H2BC18: variants seen among roughly 807,000 people sequenced by gnomAD.
H2BC18 encodes the protein histone H2B type 2-F.
H2BC18 carries 8 observed loss-of-function variants against 6.3 expected under a neutral mutation model. The observed-to-expected ratio is 1.28, with a 90% CI of 0.75 to 2.31. The LOEUF is 2.31. Among genes scored for constraint, H2BC18 ranks in the 30% most tolerant of loss-of-function variants. The pLI, the probability that H2BC18 is intolerant of heterozygous loss-of-function variation, is 0.00. For synonymous variants in H2BC18, 104 were observed against 78.1 expected (o/e 1.33, Z -1.75); for missense variants, 106 against 174.5 (o/e 0.61, Z 2.21).
intron 1 of H2BC18, chr1:149,805,272 C>T (rs1207570164): frequency 1.1e-4 from 17 of 151,238 alleles, no homozygotes; most frequent in African/African-American, 3.2e-4. Flanking sequence ...GAGCTAAGTT[C>T]GTGGACCACT....
intron 1 of H2BC18, among the ~76,000 whole-genome samples, chr1:149,804,741 G>T: frequency 6.6e-6 from 1 of 152,170 alleles, no homozygotes; most frequent in Admixed American, 6.5e-5. Flanking sequence ...CACTTTACAG[G>T]GGAATAACTT....
chr1:149,790,950 T>C (rs1201813444), intron 1 of H2BC18, among the ~76,000 whole-genome samples: 15 of 151,900 alleles, frequency 9.9e-5, no homozygotes, highest in African/African-American at 3.6e-4. Flanking sequence ...CAACCCAAAT[T>C]CATTTCAAGT....
intron 1 of H2BC18, chr1:149,785,570 C>A (rs2091526075): frequency 6.6e-6 from 1 of 151,704 alleles, no homozygotes; most frequent in African/African-American, 2.4e-5. Context: ...CAAGTGACAA[C>A]AAAAGGACTA....
rs587761873 is a variant in H2BC18, at chr1:149,790,138, A to T, written c.378-6878T>A. 1.3e-5 allele frequency: 21 copies of T among 1,613,914 alleles called. No homozygotes were observed. In the Admixed American group the frequency reaches 3.0e-4, roughly 23 times the overall value. On this transcript the variant is annotated intron_variant, in intron 1 of 1. Coordinates refer to the H2BC18 transcript ENST00000545683. The stretch of plus-strand genomic sequence containing the variant: ...CTGGTCACCCTGAGCTGTGAAACAA[A>T]GTTGCTCTTGCAGAGGCCTGGTTTG...
intron 1 of H2BC18, among the ~76,000 whole-genome samples, chr1:149,800,409 G>A (rs1278513703): frequency 6.7e-6 from 1 of 149,992 alleles, no homozygotes; most frequent in African/African-American, 2.5e-5. Context: ...GGAAGTTGGA[G>A]GTGGGCTGAA....
rs140559849 is a variant in H2BC18, at chr1:149,791,447, A to T, written c.378-8187T>A. 3,661 of 1,606,864 alleles carry T rather than the reference A, an allele frequency of 2.3e-3. 64 individuals are homozygous for T. The African/African-American group carries it at 0.042, about 18-fold the overall frequency. On this transcript the variant is annotated intron_variant, in intron 1 of 1. Transcript: ENST00000545683. ...GACAGACATTTAGAAGAAGAGCTGA[A>T]ATGTCAGGAACAAAAAGAAGAACAG...
intron 1 of H2BC18, chr1:149,790,024 A>T (rs1487484678): frequency 6.2e-7 from 1 of 1,611,620 alleles, no homozygotes; most frequent in Non-Finnish European, 8.5e-7. Context: ...CTAAACAGGC[A>T]ACCTTGTCCC....
At chr1:149,785,202 C>T (rs1377870375) in intron 1 of H2BC18, among the ~76,000 whole-genome samples, 29 of 152,068 alleles carry the variant, frequency 1.9e-4, no homozygotes, top group African/African-American at 6.8e-4. Context: ...GTTTAAACTT[C>T]GTTAAAAATG....
chr1:149,790,728 T>TG (rs1455129065), intron 1 of H2BC18, among the ~76,000 whole-genome samples: 8 of 149,136 alleles, frequency 5.4e-5, no homozygotes, highest in Non-Finnish European at 1.0e-4. Flanking sequence ...CACCAACAAT[T>TG]TATCAAGTTC....
At chr1:149,789,909 C>T in intron 1 of H2BC18, 4 of 1,519,798 alleles carry the variant, frequency 2.6e-6, no homozygotes, top group Non-Finnish European at 3.6e-6. Flanking sequence ...CCAAGAATGG[C>T]TCTCTGCTGG....
At chr1:149,807,982 G>A (rs2091938766), downstream of H2BC18, among the ~76,000 whole-genome samples, 1 of 152,114 alleles carries the variant, frequency 6.6e-6, no homozygotes, top group South Asian at 2.1e-4. Flanking sequence ...GGGTGGGATA[G>A]CCAAAGCTGT....
intron 1 of H2BC18, chr1:149,785,963 T>C (rs2091539073): frequency 6.6e-6 from 1 of 152,196 alleles, no homozygotes; most frequent in Admixed American, 6.5e-5. Flanking sequence ...TGTATACATG[T>C]TGTAAATTGA....
chr1:149,802,797 C>G (rs1442134802), intron 1 of H2BC18, among the ~76,000 whole-genome samples: 2 of 152,176 alleles, frequency 1.3e-5, no homozygotes, highest in Non-Finnish European at 2.9e-5. Flanking sequence ...GCCAAAGAAC[C>G]TGGAGTCTGA....
downstream of H2BC18, among the ~76,000 whole-genome samples, chr1:149,810,247 G>A (rs1233187490): frequency 2.0e-5 from 3 of 151,892 alleles, no homozygotes; most frequent in African/African-American, 7.3e-5. Context: ...CACTTACTGA[G>A]TAACCTTTCC....
chr1:149,796,551 T>C (rs1186366262), intron 1 of H2BC18, among the ~76,000 whole-genome samples: 1 of 152,214 alleles, frequency 6.6e-6, no homozygotes, highest in Non-Finnish European at 1.5e-5. Flanking sequence ...CCATCTTTAT[T>C]TTAGAAAATA....
chr1:149,784,261 A>C lies in H2BC18; in HGVS notation c.378-1001T>G, dbSNP rs1553750542. ...ATACAGCTGGAAATCCACAGAGGTAATTATGACTTGGACCAGGAGGGCCGG... is the reference window on the plus strand; with the variant it reads ...ATACAGCTGGAAATCCACAGAGGTACTTATGACTTGGACCAGGAGGGCCGG... On this transcript the variant is annotated intron_variant, in intron 1 of 1. Coordinates refer to the H2BC18 transcript ENST00000545683. The C allele has an allele frequency of 5.0e-6, 8 of 1,611,128 alleles. No homozygotes were observed. In the Admixed American group the frequency reaches 1.2e-4, roughly 23 times the overall value.
At chr1:149,795,291 TAAA>T (rs2091787932) in intron 1 of H2BC18, among the ~76,000 whole-genome samples, 1 of 147,172 alleles carries the variant, frequency 6.8e-6, no homozygotes, top group Non-Finnish European at 1.5e-5. Flanking sequence ...AATAAATAAA[TAAA>T]TAAATGATTA....
At chr1:149,800,141 A>C (rs1426634195) in intron 1 of H2BC18, among the ~76,000 whole-genome samples, 29 of 152,050 alleles carry the variant, frequency 1.9e-4, no homozygotes, top group African/African-American at 6.8e-4. Flanking sequence ...TCAGAGAAAC[A>C]CTTGGGTTTA....
intron 1 of H2BC18, among the ~76,000 whole-genome samples, chr1:149,789,158 CTCTG>C (rs1472862439): frequency 6.6e-6 from 1 of 151,204 alleles, no homozygotes; most frequent in Non-Finnish European, 1.5e-5. Context: ...AGCAACCTTT[CTCTG>C]TCTGAGAAAA....
Sources: gnomAD v4.1 joint callset for allele counts (sites outside exome capture counted in the v4.1 genomes callset) on GRCh38, gnomAD v4.1.1 for gene constraint, MANE v1.5 for transcripts, NCBI Gene and HGNC (gene_info 2026-07-23, HGNC 2026-07-21) for gene names.